The following MYBPH variants were observed in gnomAD, a reference collection of about 807,000 sequenced individuals.
MYBPH encodes the protein myosin-binding protein H.
In MYBPH, 49 loss-of-function variants were observed where a neutral mutation model predicts 53.6. That is an observed-to-expected ratio of 0.91 (90% CI 0.73 to 1.16). The LOEUF (loss-of-function observed/expected upper bound fraction) is 1.16, where lower values mean the gene tolerates loss of function less well. Ranked by LOEUF, MYBPH falls within the 50% of genes most tolerant of loss-of-function variation. The pLI is 0.00. For missense variants in MYBPH, 558 were observed against 624.1 expected, an observed-to-expected ratio of 0.89 and a Z score of 1.13; for synonymous variants, 239 against 249.6, an observed-to-expected ratio of 0.96 and a Z score of 0.40.
rs773909372 is a variant in MYBPH, at chr1:203,171,221, A to G, written c.794-21T>C. On this transcript the variant is annotated intron_variant, in intron 5 of 10. Coordinates refer to ENST00000255416, the MANE Select transcript of MYBPH (RefSeq NM_004997.3). The surrounding 1 kb of genome is among the most constrained non-coding windows in gnomAD (Gnocchi z 4.2). ...TTTCTCTGTAGGCCCAGAGTGTGAG[A>G]GGAAGTGAGTGTGAGGGCCAGGCTG... 3.8e-6 allele frequency: 6 copies of G among 1,569,658 alleles called. No homozygotes were observed. In the African/African-American group the frequency reaches 5.5e-5, roughly 14 times the overall value.
intron 8 of MYBPH, 71 bp downstream of exon 8, chr1:203,169,182 G>A (rs1459750831): frequency 1.5e-5 from 24 of 1,577,698 alleles, no homozygotes; most frequent in Non-Finnish European, 1.7e-5. Flanking sequence ...TGGACGCCCG[G>A]AGGATTCCTC....
upstream of MYBPH, among the ~76,000 whole-genome samples, chr1:203,177,679 A>C (rs1655840048): frequency 1.3e-5 from 2 of 152,250 alleles, no homozygotes; most frequent in African/African-American, 4.8e-5. Flanking sequence ...CTAACCCCAC[A>C]GGACACTGAG....
chr1:203,174,617 G>A lies in MYBPH; in HGVS notation c.341-20C>T. On this transcript the variant is annotated intron_variant, in intron 2 of 10. Coordinates refer to ENST00000255416, the MANE Select transcript of MYBPH (RefSeq NM_004997.3). ...CCGAGGCTGAGGGGATGGAGAGAGT[G>A]TGAGGTCTTTGCAATGTGGCCACAG... 3 of 1,566,488 alleles carry A rather than the reference G, an allele frequency of 1.9e-6. No homozygotes were observed. Among genetic ancestry groups the A allele is most frequent in the Non-Finnish European group, 2.6e-6 (3 of 1,147,296 alleles).
rs753251764 is a variant in MYBPH at position 203,175,614 on chromosome 1, G to A, written c.142C>T (p.Gln48Ter). The A allele has an allele frequency of 4.3e-6, 7 of 1,614,022 alleles. No homozygotes were observed. The South Asian group carries it at 7.7e-5, about 18-fold the overall frequency. ...STREEQVPKPQAPAPQAPTAS... is the reference protein window; with the variant it reads ...STREEQVPKP ...GTAGGGGCCTGTGGGGCAGGGGCCT[G>A]CGGCTTGGGCACCTGCTCTTCTCTG... The change falls in exon 1 of 11, where the codon CAG (glutamine) becomes TAG (stop). Residue 48 changes from glutamine (Q) to a stop codon, truncating the protein, a stop_gained. Coordinates refer to ENST00000255416, the MANE Select transcript of MYBPH (RefSeq NM_004997.3). LOFTEE classifies it high-confidence loss of function.
chr1:203,175,843 TC>T, upstream of MYBPH: 1 of 1,344,812 alleles, frequency 7.4e-7, no homozygotes, highest in Non-Finnish European at 1.0e-6. Context: ...GACACCTAGG[TC>T]CAGGCTTATA....
chr1:203,170,965 ATCCCTAGACTCGG>A, intron 6 of MYBPH, 83 bp downstream of exon 6: 3 of 1,473,136 alleles, frequency 2.0e-6, no homozygotes, highest in Non-Finnish European at 2.7e-6. Context: ...CCAGAACTCG[ATCCCTAGACTCGG>A]TCCCTAGACT....
At chr1:203,175,925 G>A (rs1032490291), upstream of MYBPH, 5 of 647,832 alleles carry the variant, frequency 7.7e-6, no homozygotes, top group African/African-American at 7.3e-5. Flanking sequence ...GAGGACTGGA[G>A]GGTGGAGAGG....
At chr1:203,178,415 C>A (rs1422877982), upstream of MYBPH, among the ~76,000 whole-genome samples, 1 of 152,206 alleles carries the variant, frequency 6.6e-6, no homozygotes, top group East Asian at 1.9e-4. Context: ...CTGCCCCTCA[C>A]TGGGAGGCTG....
intron 6 of MYBPH, 34 bp from the exon 7 acceptor site, chr1:203,170,484 C>T: frequency 6.2e-7 from 1 of 1,605,202 alleles, no homozygotes; most frequent in Non-Finnish European, 8.5e-7. Flanking sequence ...TCATTTCTCA[C>T]CCCTGTCCTC....
In MYBPH at chr1:203,171,138, G is replaced by A. The variant is rs199659160; in HGVS notation, c.856C>T (p.Gln286Ter). 183 of 1,613,498 alleles carry A rather than the reference G, an allele frequency of 1.1e-4. 1 individual carries two copies. Among genetic ancestry groups the A allele is most frequent in the Middle Eastern group, 8.3e-4 (5 of 6,056 alleles). Reference sequence around the variant, plus strand: ...CCTGTGTCCTGGGGTGGCGTCCACTGAAGAGCAGCATTGCAGCCCCAGACG... The same window carrying A: ...CCTGTGTCCTGGGGTGGCGTCCACTAAAGAGCAGCATTGCAGCCCCAGACG... ...LDVWGCNAAL[Q>*]WTPPQDTGNT... Residue 286 changes from glutamine (Q) to a stop codon, truncating the protein, a stop_gained, in exon 6 of 11, where the codon CAG becomes TAG. Coordinates refer to ENST00000255416, the MANE Select transcript of MYBPH (RefSeq NM_004997.3). LOFTEE classifies it high-confidence loss of function. This position sits in a 1 kb window ranked among gnomAD's most constrained non-coding sequence, Gnocchi z 4.2.
At chr1:203,176,803 TGA>T (rs1459153718), upstream of MYBPH, among the ~76,000 whole-genome samples, 1 of 152,120 alleles carries the variant, frequency 6.6e-6, no homozygotes, top group Non-Finnish European at 1.5e-5. Flanking sequence ...CTGGAAAATG[TGA>T]GAGTTTTACT....
At chr1:203,168,497 G>A in intron 10 of MYBPH, 130 bp downstream of exon 10, 2 of 875,376 alleles carry the variant, frequency 2.3e-6, no homozygotes, top group Non-Finnish European at 1.8e-6. Context: ...CTAGTTGCCT[G>A]TGTCCACAAG....
chr1:203,170,463 G>T lies in MYBPH; in HGVS notation c.934-13C>A, dbSNP rs777747713. On this transcript the variant is annotated splice_polypyrimidine_tract_variant and intron_variant, in intron 6 of 10. Transcript: ENST00000255416. Reference sequence around the variant, plus strand: ...CTGTGAACCATTGCTGCAGGGCCCCGGGTGTCACCCTCATTTCTCACCCCT... The same window carrying T: ...CTGTGAACCATTGCTGCAGGGCCCCTGGTGTCACCCTCATTTCTCACCCCT... The T allele has an allele frequency of 1.2e-6, 2 of 1,612,688 alleles. No homozygotes were observed. Among genetic ancestry groups the T allele is most frequent in the Non-Finnish European group, 1.7e-6 (2 of 1,179,052 alleles).
chr1:203,171,315 A>G lies in MYBPH; in HGVS notation c.793+68T>C. The G allele has an allele frequency of 6.4e-7, 1 of 1,565,734 alleles. No homozygotes were observed. The highest frequency in any genetic ancestry group is 1.8e-5 in the Admixed American group (1 of 56,408). Reference sequence around the variant, plus strand: ...CCTTGGCCTGCTCCCATCAGCCATCAGCTCTGGGATAGGAGGTTGGGGGCT... The same window carrying G: ...CCTTGGCCTGCTCCCATCAGCCATCGGCTCTGGGATAGGAGGTTGGGGGCT... On this transcript the variant is annotated intron_variant, in intron 5 of 10. Transcript: ENST00000255416. The surrounding 1 kb of genome is among the most constrained non-coding windows in gnomAD (Gnocchi z 4.2).
chr1:203,173,334 C>T (rs755461872), intron 3 of MYBPH, among the ~76,000 whole-genome samples: 3 of 152,204 alleles, frequency 2.0e-5, no homozygotes, highest in Admixed American at 1.3e-4. Context: ...GGCCACATCT[C>T]ACCTAGAGCC....
rs774234325 is a variant in MYBPH, at chr1:203,171,504, G to A, written c.672C>T (p.Thr224=). The A allele has an allele frequency of 5.0e-6, 8 of 1,613,704 alleles. No homozygotes were observed. Among genetic ancestry groups the A allele is most frequent in the South Asian group, 4.4e-5 (4 of 91,084 alleles). Residue 224 remains threonine (T), a synonymous_variant, in exon 5 of 11, where the codon ACC becomes ACT. Coordinates refer to ENST00000255416, the MANE Select transcript of MYBPH (RefSeq NM_004997.3). The surrounding 1 kb of genome is among the most constrained non-coding windows in gnomAD (Gnocchi z 4.2). ...TGAAGAGGATGGAGTCCTGGTCCCC[G>A]GTGCGCATGCTCACCCGCTGGCTGT... ...ALDSQRVSMR[T]GDQDSILFIR...
upstream of MYBPH, among the ~76,000 whole-genome samples, chr1:203,176,670 T>C (rs142350288): frequency 5.3e-3 from 810 of 152,298 alleles, 6 homozygotes; most frequent in African/African-American, 0.019. Flanking sequence ...AGATTTCTAG[T>C]CATTGATTCA....
chr1:203,169,408 G>A lies in MYBPH; in HGVS notation c.1094-19C>T. 1 of 1,555,686 alleles carries A rather than the reference G, an allele frequency of 6.4e-7. No homozygotes were observed. The highest frequency in any genetic ancestry group is 1.4e-5 in the African/African-American group (1 of 73,454). On this transcript the variant is annotated intron_variant, in intron 7 of 10. Coordinates refer to ENST00000255416, the MANE Select transcript of MYBPH (RefSeq NM_004997.3). The stretch of plus-strand genomic sequence containing the variant: ...GCAATATCTGGGTTCAGGGGAGAAA[G>A]TCGGGTGCATCTGAGCTTACAGGAG...
Position 203,175,808 on chromosome 1 carries a change from G to A in MYBPH, c.-53C>T, listed in dbSNP as rs1655798527. On this transcript the variant is annotated 5_prime_UTR_variant, in exon 1 of 11. Coordinates refer to ENST00000255416, the MANE Select transcript of MYBPH (RefSeq NM_004997.3). ...GAGTGTGCAGGGGTCAGCCGTTGGG[G>A]GGCCTGGGCCTCTAGGGTGCCTGGG... The A allele has an allele frequency of 1.3e-6, 2 of 1,586,174 alleles. No homozygotes were observed. Among genetic ancestry groups the A allele is most frequent in the East Asian group, 4.5e-5 (2 of 44,656 alleles).
Sources: gnomAD v4.1 joint callset for allele counts (sites outside exome capture counted in the v4.1 genomes callset) on GRCh38, gnomAD v4.1.1 for gene constraint, Gnocchi (gnomAD v3.1) non-coding constraint, MANE v1.5 for transcripts, NCBI Gene and HGNC (gene_info 2026-07-23, HGNC 2026-07-21) for gene names.